MRM2: variants seen among roughly 807,000 people sequenced by gnomAD.
The protein encoded by MRM2 is rRNA methyltransferase 2, mitochondrial.
A neutral mutation model predicts 10.9 loss-of-function variants in MRM2; 15 were observed. The ratio of observed to expected loss-of-function variants is 1.37; its 90% confidence interval spans 0.92 to 2.11. The LOEUF (loss-of-function observed/expected upper bound fraction) is 2.11, where lower values mean the gene tolerates loss of function less well. MRM2 is among the 30% of genes most tolerant of loss of function. The pLI, the probability that MRM2 is intolerant of heterozygous loss-of-function variation, is 0.00. For synonymous variants in MRM2, 139 were observed against 128.7 expected (o/e 1.08, Z -0.54); for missense variants, 328 against 321.3 (o/e 1.02, Z -0.16).
intron 2 of MRM2, among the ~76,000 whole-genome samples, chr7:2,237,741 A>G (rs1324492600): frequency 1.3e-5 from 2 of 152,104 alleles, no homozygotes; most frequent in African/African-American, 4.8e-5. Context: ...CTGGAGTTCG[A>G]GACCAGCCTG....
At chr7:2,239,382 G>A in intron 2 of MRM2, 36 bp downstream of exon 2, 5 of 1,576,288 alleles carry the variant, frequency 3.2e-6, no homozygotes, top group South Asian at 1.1e-5. Flanking sequence ...AGCCTCAGGG[G>A]AGCCAGAAGG....
At chr7:2,236,750 A>G (rs7810970) in intron 2 of MRM2, among the ~76,000 whole-genome samples, 52,651 of 152,020 alleles carry the variant, frequency 0.35, 9,394 homozygotes, top group East Asian at 0.51. Context: ...CAGACTGAAC[A>G]AGAAAATCTG....
chr7:2,239,899 T>C (rs757883908), intron 1 of MRM2, among the ~76,000 whole-genome samples, 192 bp from the exon 2 acceptor site: 4 of 152,178 alleles, frequency 2.6e-5, no homozygotes, highest in Non-Finnish European at 5.9e-5. Flanking sequence ...GCAAAATTAA[T>C]GTGTTGATGT....
rs369721724 is a variant in MRM2 at position 2,242,146 on chromosome 7, G to C, written c.8+16C>G. Reference sequence around the variant, plus strand: ...ACTCCCGCTGTCTGCACGCGCAGCAGCAGCGCCCAGCTCACCCCGCCATTG... The same window carrying C: ...ACTCCCGCTGTCTGCACGCGCAGCACCAGCGCCCAGCTCACCCCGCCATTG... On this transcript the variant is annotated intron_variant, in intron 1 of 2. Coordinates refer to ENST00000242257, the MANE Select transcript of MRM2 (RefSeq NM_013393.3). 3.8e-6 allele frequency: 6 copies of C among 1,582,950 alleles called. No homozygotes were observed. The highest frequency in any genetic ancestry group is 1.7e-5 in the Admixed American group (1 of 58,466).
chr7:2,238,977 TTATATATATATATATATATATATA>T (rs779018390), intron 2 of MRM2: 9 of 31,276 alleles, frequency 2.9e-4, no homozygotes, highest in South Asian at 1.7e-3. Flanking sequence ...ACAATAATAA[TTATATATATATATATATATATATA>T]TATATATATA....
Position 2,234,870 on chromosome 7 carries a change from CTT to C in MRM2, c.*250_*251del. The C allele has an allele frequency of 2.0e-6, 1 of 508,824 alleles. No homozygotes were observed. Among genetic ancestry groups the C allele is most frequent in the Non-Finnish European group, 3.5e-6 (1 of 285,266 alleles). The allele number at this position is 508,824 out of a possible 1,614,324, so 31.5% of individuals were successfully genotyped here. ...TTTCTCCATCCTTCCATCCTCACCT[CTT>C]TCTCTTGATAACTTTCTCTTCCCAA... is the stretch of plus-strand genomic sequence containing the variant. On this transcript the variant is annotated 3_prime_UTR_variant, in exon 3 of 3. Coordinates refer to ENST00000242257, the MANE Select transcript of MRM2 (RefSeq NM_013393.3).
chr7:2,236,588 G>T (rs1794423174), intron 2 of MRM2, among the ~76,000 whole-genome samples: 1 of 152,172 alleles, frequency 6.6e-6, no homozygotes, highest in Non-Finnish European at 1.5e-5. Context: ...AATGAGGCGT[G>T]AGGCGTCCCA....
At chr7:2,241,519 C>A (rs1794538840) in intron 1 of MRM2, among the ~76,000 whole-genome samples, 1 of 151,504 alleles carries the variant, frequency 6.6e-6, no homozygotes, top group South Asian at 2.1e-4. Context: ...CTAGGCTGGT[C>A]TCGAACTCCT....
At chr7:2,236,083 A>G (rs1030934218) in intron 2 of MRM2, among the ~76,000 whole-genome samples, 1 of 152,130 alleles carries the variant, frequency 6.6e-6, no homozygotes, top group African/African-American at 2.4e-5. Context: ...TACAAAAATT[A>G]GGCAGGCGTG....
At chr7:2,239,188 C>T (rs372492893) in intron 2 of MRM2, 12 of 780,398 alleles carry the variant, frequency 1.5e-5, no homozygotes, top group African/African-American at 5.1e-5. Context: ...TACCTGCGGG[C>T]GGTCTCATGC....
At chr7:2,239,070 T>C (rs1383521434) in intron 2 of MRM2, 1 of 712,952 alleles carries the variant, frequency 1.4e-6, no homozygotes, top group Non-Finnish European at 2.6e-6. Context: ...ATAGCTCCAA[T>C]AGGCTGCAAA....
At chr7:2,237,516 G>A (rs1006564612) in intron 2 of MRM2, among the ~76,000 whole-genome samples, 1 of 152,156 alleles carries the variant, frequency 6.6e-6, no homozygotes, top group Non-Finnish European at 1.5e-5. Context: ...GCACTTAGGG[G>A]AACAGAAACC....
At chr7:2,238,428 A>G (rs1306988126) in intron 2 of MRM2, 2 of 152,212 alleles carry the variant, frequency 1.3e-5, no homozygotes, top group Non-Finnish European at 2.9e-5. Context: ...ATTCAGGAGA[A>G]CCTTTTTATA....
chr7:2,241,973 A>T, intron 1 of MRM2, 189 bp downstream of exon 1: 1 of 552,556 alleles, frequency 1.8e-6, no homozygotes, highest in Non-Finnish European at 3.0e-6. Flanking sequence ...GCCCCTGGAG[A>T]CCTGAGGGCG....
chr7:2,240,855 T>G, intron 1 of MRM2, among the ~76,000 whole-genome samples: 1 of 152,080 alleles, frequency 6.6e-6, no homozygotes, highest in Non-Finnish European at 1.5e-5. Context: ...TGCTACCATG[T>G]CCGGCTAATG....
chr7:2,242,154 C>T lies in MRM2; in HGVS notation c.8+8G>A, dbSNP rs1253516969. On this transcript the variant is annotated splice_region_variant and intron_variant, in intron 1 of 2. Coordinates refer to ENST00000242257, the MANE Select transcript of MRM2 (RefSeq NM_013393.3). ...TGTCTGCACGCGCAGCAGCAGCGCC[C>T]AGCTCACCCCGCCATTGGTGTTCCC... is the stretch of plus-strand genomic sequence containing the variant. The T allele has an allele frequency of 1.1e-5, 18 of 1,584,196 alleles. No individual in the cohort carries two copies. The highest frequency in any genetic ancestry group is 9.4e-5 in the East Asian group (4 of 42,612).
Position 2,238,977 on chromosome 7 carries a change from TTATATATATATATATATATATA to T in MRM2, c.298+419_298+440del, listed in dbSNP as rs779018390. 2.6e-4 allele frequency: 8 copies of T among 31,294 alleles called. No homozygotes were observed. In the African/African-American group the frequency reaches 6.5e-3, roughly 25 times the overall value. The allele number at this position is 31,294 out of a possible 1,614,324, so 1.9% of individuals were successfully genotyped here. ...AGAACAAAAATAATAACAATAATAA[TTATATATATATATATATATATA>T]TATATATATATATATATATATATAT... is the stretch of plus-strand genomic sequence containing the variant. On this transcript the variant is annotated intron_variant, in intron 2 of 2. Transcript: ENST00000242257.
intron 2 of MRM2, among the ~76,000 whole-genome samples, chr7:2,236,178 C>T (rs925472829): frequency 1.3e-5 from 2 of 152,050 alleles, no homozygotes; most frequent in Non-Finnish European, 2.9e-5. Flanking sequence ...TGCAGTGAGC[C>T]AAGATCGCAC....
In MRM2 at chr7:2,235,356, C is replaced by G; in HGVS notation, c.507G>C (p.Arg169Ser). The G allele has an allele frequency of 6.2e-7, 1 of 1,614,090 alleles. No individual in the cohort carries two copies. The highest frequency in any genetic ancestry group is 8.5e-7 in the Non-Finnish European group (1 of 1,179,996). ...GAAGGGTCAGGCACAGGCTGATGAGCCTGTCATGATCGAGGTCCCGGAACC... is the reference window on the plus strand; with the variant it reads ...GAAGGGTCAGGCACAGGCTGATGAGGCTGTCATGATCGAGGTCCCGGAACC... ...ATGFRDLDHD[R>S]LISLCLTLLS... The change falls in exon 3 of 3, where the codon AGG becomes AGC. Residue 169 changes from arginine to serine, a missense_variant. Transcript: ENST00000242257.
Sources: gnomAD v4.1 joint callset for allele counts (sites outside exome capture counted in the v4.1 genomes callset) on GRCh38, gnomAD v4.1.1 for gene constraint, MANE v1.5 for transcripts, NCBI Gene and HGNC (gene_info 2026-07-23, HGNC 2026-07-21) for gene names.